SNTG2: variants seen among roughly 807,000 people sequenced by gnomAD.
The protein encoded by SNTG2 is gamma-2-syntrophin.
A neutral mutation model predicts 70.9 loss-of-function variants in SNTG2; 74 were observed. The ratio of observed to expected loss-of-function variants is 1.04; its 90% CI spans 0.86 to 1.27. SNTG2 has a LOEUF of 1.27. Ranked by LOEUF, SNTG2 falls within the 50% of genes most tolerant of loss-of-function variation. The pLI is 0.00. For synonymous variants in SNTG2, 278 were observed against 273.8 expected (o/e 1.02, Z -0.15); for missense variants, 717 against 690.7 (o/e 1.04, Z -0.43).
chr2:1,196,284 T>C (rs1037729453), intron 8 of SNTG2, among the ~76,000 whole-genome samples: 7 of 152,042 alleles, frequency 4.6e-5, no homozygotes, highest in African/African-American at 1.7e-4. Context: ...ATAATGAATT[T>C]CTGAACTTGA....
At chr2:1,217,002 G>T (rs909190867) in intron 9 of SNTG2, among the ~76,000 whole-genome samples, 1 of 152,094 alleles carries the variant, frequency 6.6e-6, no homozygotes, top group Non-Finnish European at 1.5e-5. Flanking sequence ...CATTGTTGCT[G>T]TGGGGAATAT....
intron 9 of SNTG2, among the ~76,000 whole-genome samples, chr2:1,227,568 C>T (rs1675879131): frequency 6.6e-6 from 1 of 152,236 alleles, no homozygotes; most frequent in Non-Finnish European, 1.5e-5. Context: ...CCCACGGTAT[C>T]CACCCTGGAG....
At chr2:1,307,290 G>T (rs761535747) in intron 14 of SNTG2, among the ~76,000 whole-genome samples, 2 of 145,702 alleles carry the variant, frequency 1.4e-5, no homozygotes, top group Admixed American at 1.4e-4. Context: ...ACCGTGCACT[G>T]TGTGTGTGTG....
intron 7 of SNTG2, among the ~76,000 whole-genome samples, chr2:1,170,363 T>C (rs1671045808): frequency 6.6e-6 from 1 of 152,170 alleles, no homozygotes; most frequent in African/African-American, 2.4e-5. Context: ...AAATAAACCC[T>C]GTGCCAGTTA....
intron 11 of SNTG2, 78 bp downstream of exon 11, chr2:1,239,854 C>G (rs1014301003): frequency 1.0e-5 from 16 of 1,524,050 alleles, no homozygotes; most frequent in Non-Finnish European, 1.4e-5. Flanking sequence ...TGTAACACAT[C>G]TCGAAAAGCA....
chr2:965,921 G>T lies in SNTG2; in HGVS notation c.72+14853G>T, dbSNP rs1442708850. Among the ~76,000 whole-genome samples the T allele has an allele frequency of 2.6e-5, 4 of 152,164 alleles. No homozygotes were observed. In the East Asian group the frequency reaches 7.8e-4, roughly 29 times the overall value. ...CCTGGGCTGACCCTGGACCCACAGA[G>T]ACCCTTAGGGCGGGCTGGGCCCAGC... On this transcript the variant is annotated intron_variant, in intron 1 of 16. Coordinates refer to ENST00000308624, the MANE Select transcript of SNTG2 (RefSeq NM_018968.4).
At chr2:1,249,544 C>T (rs979136625) in intron 12 of SNTG2, among the ~76,000 whole-genome samples, 8 of 152,188 alleles carry the variant, frequency 5.3e-5, no homozygotes, top group Non-Finnish European at 1.0e-4. Context: ...CCGGTGGGAA[C>T]CACCTAAGTA....
intron 1 of SNTG2, among the ~76,000 whole-genome samples, chr2:1,035,302 T>C (rs1028754433): frequency 6.6e-6 from 1 of 152,248 alleles, no homozygotes; most frequent in African/African-American, 2.4e-5. Context: ...AGTGGAATTC[T>C]GTTGCCCTGT....
At chr2:1,267,646 C>T in intron 14 of SNTG2, 75 bp downstream of exon 14, 1 of 1,308,176 alleles carries the variant, frequency 7.6e-7, no homozygotes, top group East Asian at 2.4e-5. Flanking sequence ...GAATATGTAG[C>T]AGTTTATCGG....
intron 16 of SNTG2, among the ~76,000 whole-genome samples, chr2:1,365,633 C>T (rs1661438448): frequency 1.3e-5 from 2 of 152,172 alleles, no homozygotes; most frequent in African/African-American, 4.8e-5. Flanking sequence ...CAGGTATTCA[C>T]TTCTCACAGC....
chr2:988,409 A>G (rs1225672835), intron 1 of SNTG2, among the ~76,000 whole-genome samples: 1 of 152,198 alleles, frequency 6.6e-6, no homozygotes, highest in Middle Eastern at 3.2e-3. Context: ...ATGTCAAATA[A>G]GTAGAATTTT....
chr2:1,304,359 C>G (rs1680584040), intron 14 of SNTG2, among the ~76,000 whole-genome samples: 1 of 152,192 alleles, frequency 6.6e-6, no homozygotes, highest in Admixed American at 6.5e-5. Context: ...TGCCTGTCAT[C>G]TCCTGAAGTT....
chr2:1,162,628 G>A (rs1434079775), intron 6 of SNTG2, among the ~76,000 whole-genome samples: 1 of 152,124 alleles, frequency 6.6e-6, no homozygotes, highest in Non-Finnish European at 1.5e-5. Context: ...GGGCTTGCAG[G>A]GCCTTGTGAG....
chr2:1,322,500 C>T (rs1681577179), intron 16 of SNTG2, among the ~76,000 whole-genome samples: 1 of 152,182 alleles, frequency 6.6e-6, no homozygotes, highest in African/African-American at 2.4e-5. Flanking sequence ...ACTGTTTAAA[C>T]CTGAGTTGGC....
intron 1 of SNTG2, among the ~76,000 whole-genome samples, chr2:1,065,373 G>A (rs937410513): frequency 6.6e-6 from 1 of 152,116 alleles, no homozygotes; most frequent in Non-Finnish European, 1.5e-5. Context: ...TGATTACATT[G>A]AGATGAGAGG....
intron 8 of SNTG2, among the ~76,000 whole-genome samples, chr2:1,176,447 T>A (rs1436801404): frequency 7.5e-6 from 1 of 132,692 alleles, no homozygotes; most frequent in African/African-American, 2.7e-5. Context: ...CCCCTGAACC[T>A]AAAATAAAGT....
intron 8 of SNTG2, among the ~76,000 whole-genome samples, chr2:1,184,923 T>C (rs570567098): frequency 6.6e-6 from 1 of 152,100 alleles, no homozygotes; most frequent in South Asian, 2.1e-4. Flanking sequence ...AACTCAAAAG[T>C]CCATAGTTCA....
At chr2:1,006,438 A>T (rs967247578) in intron 1 of SNTG2, among the ~76,000 whole-genome samples, 3 of 151,526 alleles carry the variant, frequency 2.0e-5, no homozygotes, top group Non-Finnish European at 2.9e-5. Flanking sequence ...ACGTATTTGG[A>T]TGCTAATCTT....
intron 14 of SNTG2, among the ~76,000 whole-genome samples, chr2:1,276,373 GA>G (rs1358731511): frequency 2.0e-5 from 3 of 152,320 alleles, no homozygotes; most frequent in African/African-American, 7.2e-5. Flanking sequence ...ACTTTAAGTT[GA>G]AGTGAAGCTT....
Sources: gnomAD v4.1 joint callset for allele counts (sites outside exome capture counted in the v4.1 genomes callset) on GRCh38, gnomAD v4.1.1 for gene constraint, MANE v1.5 for transcripts, NCBI Gene and HGNC (gene_info 2026-07-23, HGNC 2026-07-21) for gene names.